The following SP140L variants were observed in gnomAD, a reference collection of about 807,000 sequenced individuals.
SP140L encodes the protein SP140 like nuclear body protein.
SP140L carries 64 observed loss-of-function variants against 84.3 expected under a neutral mutation model. The ratio of observed to expected loss-of-function variants is 0.76; its 90% CI spans 0.62 to 0.94. The LOEUF is 0.94. SP140L is among the 40% of genes least tolerant of loss of function. The probability of loss-of-function intolerance (pLI) is 0.00; values close to 1 mark genes in which losing one functional copy is unlikely to be tolerated. For missense variants in SP140L, 628 were observed against 692.5 expected (o/e 0.91, Z 1.05); for synonymous variants, 242 against 236.9 (o/e 1.02, Z -0.20).
Position 230,369,267 on chromosome 2 carries a change from C to G in SP140L, c.524-1641C>G, listed in dbSNP as rs1400545849. On this transcript the variant is annotated intron_variant, in intron 5 of 18. Transcript: ENST00000415673. ...GGATCTACACCACTGGTGCAGCCAT[C>G]TTCAGGCACTTCAGTGAGCCTGAAG... is the stretch of plus-strand genomic sequence containing the variant. Among the ~76,000 whole-genome samples, 6 of 152,104 alleles carry G rather than the reference C, an allele frequency of 3.9e-5. No homozygotes were observed. In the East Asian group the frequency reaches 1.2e-3, roughly 29 times the overall value.
intron 5 of SP140L, among the ~76,000 whole-genome samples, chr2:230,365,795 T>C (rs924701780): frequency 2.0e-5 from 3 of 152,166 alleles, no homozygotes; most frequent in African/African-American, 7.2e-5. Context: ...TGAACTGCTT[T>C]TGCTGTATCC....
chr2:230,336,111 A>G (rs1463808248), intron 2 of SP140L, among the ~76,000 whole-genome samples: 3 of 152,152 alleles, frequency 2.0e-5, no homozygotes, highest in Non-Finnish European at 4.4e-5. Flanking sequence ...TTGGATTGCC[A>G]CTTTTTTCTT....
chr2:230,396,170 GA>G (rs2062038680), intron 13 of SP140L, among the ~76,000 whole-genome samples: 1 of 152,190 alleles, frequency 6.6e-6, no homozygotes, highest in Admixed American at 6.5e-5. Flanking sequence ...GAGCTTCTCT[GA>G]CTTGGCCTGG....
intron 8 of SP140L, 24 bp downstream of exon 8, chr2:230,383,599 T>C: frequency 6.3e-7 from 1 of 1,589,234 alleles, no homozygotes; most frequent in Admixed American, 1.8e-5. Context: ...GTGAAGTAGT[T>C]ACAGCTTTTG....
Position 230,328,930 on chromosome 2 carries a change from C to T in SP140L, c.107+99C>T. 2.1e-6 allele frequency: 3 copies of T among 1,442,234 alleles called. No homozygotes were observed. In the South Asian group the frequency reaches 4.5e-5, roughly 22 times the overall value. 89.3% of individuals were successfully genotyped at this position (1,442,234 alleles called of 1,614,324 possible). A position where few individuals can be genotyped will look rare whatever the true frequency, so the allele number is the denominator to read the frequency against. On this transcript the variant is annotated intron_variant, in intron 2 of 18. Coordinates refer to ENST00000415673, the MANE Select transcript of SP140L (RefSeq NM_138402.6). ...TCTTGGCCACTGAAATTTCCTCTTC[C>T]ATAATTTTTTTGTTTATTTTTTGCC...
At chr2:230,392,335 G>C in intron 12 of SP140L, 106 bp downstream of exon 12, 1 of 1,529,486 alleles carries the variant, frequency 6.5e-7, no homozygotes, top group Non-Finnish European at 8.8e-7. Context: ...CTAAAGCCTT[G>C]ATGCCAGTGA....
In SP140L at chr2:230,401,168, C is replaced by T. The variant is rs568543086; in HGVS notation, c.1422+105C>T. The T allele has an allele frequency of 1.1e-3, 726 of 643,940 alleles. 5 individuals are homozygous for T. Among genetic ancestry groups the T allele is most frequent in the South Asian group, 1.8e-3 (93 of 50,306 alleles). The allele number at this position is 643,940 out of a possible 1,614,324, so 39.9% of individuals were successfully genotyped here. ...GTACTGAAAGGAGCCTGCTCTTCCG[C>T]GCCACACTTCAATGGCACTGATAGA... On this transcript the variant is annotated intron_variant, in intron 16 of 18. Transcript: ENST00000415673.
chr2:230,358,947 AT>A lies in SP140L; in HGVS notation c.271-15del, dbSNP rs779084780. On this transcript the variant is annotated splice_polypyrimidine_tract_variant and intron_variant, in intron 3 of 18. Transcript: ENST00000415673. ...GAAAGTCTGTATTTGTATTTTCTCC[AT>A]TCAATATTTTTAAAGGATTCTGAAG... The A allele has an allele frequency of 1.3e-6, 2 of 1,555,302 alleles. No homozygotes were observed. The highest frequency in any genetic ancestry group is 2.2e-5 in the Admixed American group (1 of 46,030).
intron 3 of SP140L, 94 bp from the exon 4 acceptor site, chr2:230,358,869 GA>G (rs1175965873): frequency 9.9e-7 from 1 of 1,007,620 alleles, no homozygotes; most frequent in Non-Finnish European, 1.4e-6. Flanking sequence ...CCTCTGAAGA[GA>G]AATTGAAATT....
intron 18 of SP140L, among the ~76,000 whole-genome samples, chr2:230,402,100 AGAG>A (rs1559468290): frequency 6.6e-6 from 1 of 152,216 alleles, no homozygotes; most frequent in Non-Finnish European, 1.5e-5. Context: ...CAGCATATAA[AGAG>A]AAGAGAATTT....
chr2:230,332,333 G>C (rs74544385), intron 2 of SP140L, among the ~76,000 whole-genome samples: 1 of 152,134 alleles, frequency 6.6e-6, no homozygotes, highest in Non-Finnish European at 1.5e-5. Context: ...TTCCCCAGTC[G>C]TCGTCCAGTT....
intron 2 of SP140L, among the ~76,000 whole-genome samples, chr2:230,344,042 T>C (rs1020521584): frequency 1.3e-5 from 2 of 152,230 alleles, no homozygotes; most frequent in Admixed American, 1.3e-4. Flanking sequence ...CAGGTCTACT[T>C]AATCCAGAGC....
chr2:230,354,954 G>A (rs2060499429), intron 2 of SP140L, among the ~76,000 whole-genome samples: 3 of 151,910 alleles, frequency 2.0e-5, no homozygotes, highest in South Asian at 4.2e-4. Flanking sequence ...GAAAGAAAGA[G>A]AAAGAAAGGG....
intron 7 of SP140L, among the ~76,000 whole-genome samples, chr2:230,378,620 C>T (rs12105723): frequency 0.48 from 72,875 of 151,964 alleles, 18,125 homozygotes; most frequent in South Asian, 0.66. Context: ...TTTAGTTGAT[C>T]AGGAGTGGAA....
chr2:230,391,421 G>T (rs971923064), intron 11 of SP140L, among the ~76,000 whole-genome samples: 2 of 152,210 alleles, frequency 1.3e-5, no homozygotes, highest in Admixed American at 1.3e-4. Context: ...CCTAGTGAGT[G>T]TGATGTGGTA....
At chr2:230,383,362 C>T in intron 7 of SP140L, 148 bp from the exon 8 acceptor site, 1 of 674,180 alleles carries the variant, frequency 1.5e-6, no homozygotes, top group Admixed American at 3.3e-5. Context: ...CTGTACTCAA[C>T]TTCCACACTG....
intron 3 of SP140L, 116 bp downstream of exon 3, chr2:230,358,083 T>G: frequency 1.6e-6 from 2 of 1,222,814 alleles, no homozygotes; most frequent in Non-Finnish European, 2.3e-6. Context: ...CCAGAGATGG[T>G]CCTACTTCCA....
At chr2:230,373,313 A>G (rs1381951070) in intron 7 of SP140L, among the ~76,000 whole-genome samples, 2 of 152,220 alleles carry the variant, frequency 1.3e-5, no homozygotes, top group Non-Finnish European at 2.9e-5. Flanking sequence ...TTCTGTCTAG[A>G]ACTGTCATAG....
chr2:230,390,576 T>A (rs2061759557), intron 11 of SP140L, among the ~76,000 whole-genome samples: 1 of 152,230 alleles, frequency 6.6e-6, no homozygotes. Flanking sequence ...AATTTACATA[T>A]TAATGTAAAA....
Sources: allele counts gnomAD v4.1 joint callset (sites outside exome capture counted in the v4.1 genomes callset), GRCh38; gene constraint gnomAD v4.1.1; transcripts MANE v1.5; gene names NCBI Gene and HGNC (gene_info 2026-07-23, HGNC 2026-07-21).